CORIN: variants seen among roughly 807,000 people sequenced by gnomAD.
The protein encoded by CORIN is corin, serine peptidase.
In CORIN, 117 loss-of-function variants were observed where a neutral mutation model predicts 125.3. The ratio of observed to expected loss-of-function variants is 0.93; its 90% CI spans 0.80 to 1.09. The LOEUF is 1.09. Among genes scored for constraint, CORIN ranks in the 50% least tolerant of loss-of-function variants. The pLI is 0.00. For synonymous variants in CORIN, 450 were observed against 466.4 expected (o/e 0.96, Z 0.45); for missense variants, 1,253 against 1,306.7 (o/e 0.96, Z 0.63).
rs1416388992 is a variant in CORIN, at chr4:47,744,467, T to C, written c.734A>G (p.Asn245Ser). The C allele has an allele frequency of 5.0e-6, 8 of 1,614,062 alleles. No individual in the cohort carries two copies. In the South Asian group the frequency reaches 8.8e-5, roughly 18 times the overall value. Reference sequence around the variant, plus strand: ...GCTGACATTGCTGCTTTCAGTTTGGTTTCTAAACTGGGAGCATCTGAGGAA... The same window carrying C: ...GCTGACATTGCTGCTTTCAGTTTGGCTTCTAAACTGGGAGCATCTGAGGAA... ...PDFLRCSQFR[N>S]QTESSNVSRI... The change falls in exon 5 of 22, where the codon AAC (asparagine) becomes AGC (serine). Residue 245 changes from asparagine to serine, a missense_variant. Transcript: ENST00000273857.
chr4:47,827,889 C>G (rs1732810981), intron 1 of CORIN, among the ~76,000 whole-genome samples: 1 of 152,128 alleles, frequency 6.6e-6, no homozygotes, highest in African/African-American at 2.4e-5. Context: ...GTTCTGTTCA[C>G]CACCCATAGC....
intron 2 of CORIN, among the ~76,000 whole-genome samples, chr4:47,789,990 C>G (rs1249389105): frequency 6.6e-6 from 1 of 152,152 alleles, no homozygotes; most frequent in South Asian, 2.1e-4. Flanking sequence ...CCACTGCACT[C>G]CAGCCTGGGA....
In CORIN at chr4:47,644,781, A is replaced by G. The variant is rs1723391874; in HGVS notation, c.1957+300T>C. 2.0e-5 allele frequency among the ~76,000 whole-genome samples: 3 copies of G among 152,106 alleles called. No homozygotes were observed. In the South Asian group the frequency reaches 6.2e-4, roughly 31 times the overall value. On this transcript the variant is annotated intron_variant, in intron 14 of 21. Coordinates refer to ENST00000273857, the MANE Select transcript of CORIN (RefSeq NM_006587.4). ...ATTTTTCTTCTCTAATTTAATTTTA[A>G]TATTTGTATATTATTTTCTTTTATG...
At chr4:47,721,026 G>T (rs4695271) in intron 5 of CORIN, among the ~76,000 whole-genome samples, 15,030 of 152,118 alleles carry the variant, frequency 0.099, 882 homozygotes, top group East Asian at 0.27. Context: ...TACCACAGAT[G>T]GGGTGGCTTA....
chr4:47,649,921 C>T (rs1723667431), intron 13 of CORIN, among the ~76,000 whole-genome samples: 1 of 152,186 alleles, frequency 6.6e-6, no homozygotes, highest in Non-Finnish European at 1.5e-5. Flanking sequence ...GTCTCCTCCC[C>T]AGACAAAGAG....
chr4:47,813,915 G>A (rs537719527), intron 1 of CORIN, among the ~76,000 whole-genome samples: 5 of 152,234 alleles, frequency 3.3e-5, no homozygotes, highest in Admixed American at 2.6e-4. Flanking sequence ...ATGTCAAACT[G>A]TTCTCAAACC....
At chr4:47,657,077 GA>G (rs1215826464) in intron 12 of CORIN, among the ~76,000 whole-genome samples, 1 of 152,052 alleles carries the variant, frequency 6.6e-6, no homozygotes, top group African/African-American at 2.4e-5. Context: ...CTTAATCAAA[GA>G]AATGAAAGGT....
chr4:47,678,296 T>C (rs913838153), intron 8 of CORIN, among the ~76,000 whole-genome samples: 2 of 152,254 alleles, frequency 1.3e-5, no homozygotes, highest in African/African-American at 4.8e-5. Flanking sequence ...ATCATGATCC[T>C]ACTTACTAAT....
chr4:47,758,368 G>T (rs867986188), intron 4 of CORIN, among the ~76,000 whole-genome samples: 4 of 152,160 alleles, frequency 2.6e-5, no homozygotes, highest in African/African-American at 4.8e-5. Context: ...GATGTTCATG[G>T]TTGGAAGAAT....
chr4:47,655,063 T>C (rs529937908), intron 12 of CORIN, among the ~76,000 whole-genome samples: 17 of 152,078 alleles, frequency 1.1e-4, no homozygotes, highest in Non-Finnish European at 2.4e-4. Context: ...TCTAGACATA[T>C]CTTCAACCAA....
intron 2 of CORIN, among the ~76,000 whole-genome samples, chr4:47,787,327 G>A (rs1730861648): frequency 6.6e-6 from 1 of 152,100 alleles, no homozygotes. Context: ...ACCGGTCATT[G>A]TTTGCTACTC....
At chr4:47,762,708 C>T (rs948818017) in intron 4 of CORIN, among the ~76,000 whole-genome samples, 1 of 152,200 alleles carries the variant, frequency 6.6e-6, no homozygotes, top group Non-Finnish European at 1.5e-5. Context: ...TTCTGGATCT[C>T]ATCCACCATG....
chr4:47,665,503 T>C (rs1724441645), intron 10 of CORIN, among the ~76,000 whole-genome samples: 1 of 152,214 alleles, frequency 6.6e-6, no homozygotes. Flanking sequence ...CATCTTGCTT[T>C]AGAAAGTCCT....
intron 5 of CORIN, among the ~76,000 whole-genome samples, chr4:47,702,457 T>C (rs1000256315): frequency 3.9e-5 from 6 of 152,176 alleles, no homozygotes; most frequent in African/African-American, 1.2e-4. Context: ...ACAACGTTTA[T>C]GGAAAGACTT....
chr4:47,676,575 A>C (rs991892965), intron 9 of CORIN, among the ~76,000 whole-genome samples: 1 of 152,198 alleles, frequency 6.6e-6, no homozygotes, highest in Non-Finnish European at 1.5e-5. Flanking sequence ...AGGAGTCTGC[A>C]AGCTCCATCA....
intron 6 of CORIN, among the ~76,000 whole-genome samples, chr4:47,692,637 C>G (rs1024759511): frequency 6.6e-6 from 1 of 151,932 alleles, no homozygotes; most frequent in Admixed American, 6.6e-5. Context: ...ATAAAAATGT[C>G]CTTTTTTAAA....
intron 19 of CORIN, among the ~76,000 whole-genome samples, chr4:47,614,152 A>G (rs1489449399): frequency 6.6e-6 from 1 of 152,186 alleles, no homozygotes; most frequent in Non-Finnish European, 1.5e-5. Context: ...AGTAAGACAA[A>G]GCAGAATGAT....
chr4:47,715,193 TA>T (rs758334071), intron 5 of CORIN, among the ~76,000 whole-genome samples: 8 of 152,100 alleles, frequency 5.3e-5, no homozygotes, highest in Non-Finnish European at 8.8e-5. Flanking sequence ...AAGAAATAAG[TA>T]AATACTGCCA....
chr4:47,618,662 A>G (rs1286870376), intron 19 of CORIN, among the ~76,000 whole-genome samples: 2 of 151,898 alleles, frequency 1.3e-5, no homozygotes, highest in East Asian at 3.9e-4. Flanking sequence ...TACTAAAAAT[A>G]CAAAAAATTA....
Sources: gnomAD v4.1 joint callset for allele counts (sites outside exome capture counted in the v4.1 genomes callset) on GRCh38, gnomAD v4.1.1 for gene constraint, MANE v1.5 for transcripts, NCBI Gene and HGNC (gene_info 2026-07-23, HGNC 2026-07-21) for gene names.